Variants in KIAA1217 observed in about 807,000 individuals in gnomAD.
The protein encoded by KIAA1217 is sickle tail protein homolog.
A neutral mutation model predicts 163.9 loss-of-function variants in KIAA1217; 88 were observed. That is an observed-to-expected ratio of 0.54 (90% CI 0.45 to 0.64). KIAA1217 has a LOEUF of 0.64. Ranked by LOEUF, KIAA1217 falls within the 30% of genes least tolerant of loss-of-function variation. KIAA1217 has a pLI of 0.00. For missense variants in KIAA1217, 2,372 were observed against 2,475.0 expected, an observed-to-expected ratio of 0.96 and a Z score of 0.88; for synonymous variants, 903 against 923.1, an observed-to-expected ratio of 0.98 and a Z score of 0.39.
intron 2 of KIAA1217, among the ~76,000 whole-genome samples, chr10:24,035,918 AG>A (rs1156596665): frequency 6.6e-6 from 1 of 152,210 alleles, no homozygotes; most frequent in Non-Finnish European, 1.5e-5. Flanking sequence ...AGATCCTCAG[AG>A]CCAGCCCCCA....
chr10:24,144,103 A>T (rs1241137426), intron 2 of KIAA1217, among the ~76,000 whole-genome samples: 4 of 152,248 alleles, frequency 2.6e-5, no homozygotes, highest in African/African-American at 9.6e-5. Flanking sequence ...AAATAGGATA[A>T]ATAGAATTAA....
chr10:23,744,888 A>C (rs1483904520), intron 1 of KIAA1217, among the ~76,000 whole-genome samples: 1 of 152,154 alleles, frequency 6.6e-6, no homozygotes, highest in Non-Finnish European at 1.5e-5. Context: ...TTCTTGCTTG[A>C]GGGAGGTCAG....
intron 1 of KIAA1217, among the ~76,000 whole-genome samples, chr10:23,720,337 A>C (rs982031213): frequency 6.6e-6 from 1 of 152,182 alleles, no homozygotes; most frequent in Non-Finnish European, 1.5e-5. Context: ...TCACTTGATA[A>C]AATAAAATTC....
rs76158380 is a variant in KIAA1217 at position 24,454,800 on chromosome 10, G to A, written c.846+16321G>A. Among the ~76,000 whole-genome samples the A allele has an allele frequency of 4.5e-3, 682 of 151,812 alleles. 4 individuals carry two copies. Among genetic ancestry groups the A allele is most frequent in the African/African-American group, 0.016 (655 of 41,372 alleles). On this transcript the variant is annotated intron_variant, in intron 5 of 20. Transcript: ENST00000376454. ...GATGGAAATCCACAAAGTGGAAACC[G>A]TTTTTGCTTGCCTTTAAAAGCAAAT...
At chr10:24,136,661 A>C (rs948179051) in intron 2 of KIAA1217, among the ~76,000 whole-genome samples, 3 of 152,166 alleles carry the variant, frequency 2.0e-5, no homozygotes, top group African/African-American at 7.2e-5. Flanking sequence ...GTGAGTTTAT[A>C]GTCATGCAAA....
chr10:23,849,738 C>G (rs978850728), intron 1 of KIAA1217, among the ~76,000 whole-genome samples: 2 of 152,018 alleles, frequency 1.3e-5, no homozygotes, highest in Admixed American at 1.3e-4. Context: ...ATTTCCTGAA[C>G]CTTTCATCTC....
rs554794409 is a variant in KIAA1217, at chr10:24,254,623, G to A, written c.354+34714G>A. ...TTTTAAGGCAGATATGGCCACAAATGAAGCACATTCACATGACTGCACTGC... is the reference window on the plus strand; with the variant it reads ...TTTTAAGGCAGATATGGCCACAAATAAAGCACATTCACATGACTGCACTGC... On this transcript the variant is annotated intron_variant, in intron 2 of 20. Coordinates refer to ENST00000376454, the MANE Select transcript of KIAA1217 (RefSeq NM_019590.5). 4.5e-4 allele frequency among the ~76,000 whole-genome samples: 69 copies of A among 152,284 alleles called. 1 individual carries two copies. The highest frequency in any genetic ancestry group is 6.8e-3 in the Middle Eastern group (2 of 294).
At chr10:23,924,849 A>G (rs1378104221) in intron 1 of KIAA1217, among the ~76,000 whole-genome samples, 1 of 152,018 alleles carries the variant, frequency 6.6e-6, no homozygotes. Flanking sequence ...TGCAAATGCT[A>G]TTAAACTAGG....
At chr10:24,434,138 G>A (rs1169633202) in intron 4 of KIAA1217, among the ~76,000 whole-genome samples, 1 of 145,476 alleles carries the variant, frequency 6.9e-6, no homozygotes, top group Admixed American at 7.1e-5. Context: ...CTGGGTTCAA[G>A]CGATTCTCCT....
intron 2 of KIAA1217, among the ~76,000 whole-genome samples, chr10:24,152,613 C>T (rs2064671500): frequency 6.6e-6 from 1 of 152,004 alleles, no homozygotes; most frequent in Admixed American, 6.6e-5. Context: ...CTAAATCTCC[C>T]TCTATATCCA....
At chr10:24,452,156 C>T (rs751300583) in intron 5 of KIAA1217, among the ~76,000 whole-genome samples, 2 of 152,150 alleles carry the variant, frequency 1.3e-5, no homozygotes, top group Non-Finnish European at 2.9e-5. Flanking sequence ...ACATTTTCTT[C>T]TGTCCTAGTT....
At chr10:24,113,027 C>A (rs975006933) in intron 2 of KIAA1217, among the ~76,000 whole-genome samples, 1 of 152,122 alleles carries the variant, frequency 6.6e-6, no homozygotes, top group Admixed American at 6.5e-5. Flanking sequence ...AGAACAGATT[C>A]TCTCTCCAGC....
chr10:23,955,937 C>T (rs1327214061), intron 1 of KIAA1217, among the ~76,000 whole-genome samples: 5 of 152,216 alleles, frequency 3.3e-5, no homozygotes, highest in African/African-American at 2.4e-5. Flanking sequence ...TCTTTAGATT[C>T]GAGATGGTAT....
chr10:24,528,441 C>G (rs2072571901), intron 14 of KIAA1217, among the ~76,000 whole-genome samples: 1 of 151,916 alleles, frequency 6.6e-6, no homozygotes, highest in Non-Finnish European at 1.5e-5. Flanking sequence ...CCCACCTCAG[C>G]CTCCCAAGAA....
rs760788989 is a variant in KIAA1217 at position 24,543,459 on chromosome 10, A to C, written c.4189A>C (p.Ser1397Arg). ...CGAAACCACTGTCCAGGTTCTTTCC[A>C]GTGGGGAGGTGCATGATATTGTTAG... is the stretch of plus-strand genomic sequence containing the variant. Reference protein sequence around the residue: ...ITETTVQVLSSGEVHDIVSQK... With the variant: ...ITETTVQVLSRGEVHDIVSQK... The change falls in exon 19 of 21, where the codon AGT (serine) becomes CGT (arginine). Residue 1397 changes from serine to arginine, a missense_variant. Around this residue, in one of 3 missense-constraint regions of KIAA1217, gnomAD observed 690 missense variants for 677.5 expected, o/e 1.02. Transcript: ENST00000376454. 1 of 1,614,144 alleles carries C rather than the reference A, an allele frequency of 6.2e-7. No individual in the cohort carries two copies. The highest frequency in any genetic ancestry group is 1.1e-5 in the South Asian group (1 of 91,074).
intron 1 of KIAA1217, among the ~76,000 whole-genome samples, chr10:23,861,790 T>C (rs1187729428): frequency 6.6e-6 from 1 of 152,120 alleles, no homozygotes; most frequent in East Asian, 1.9e-4. Flanking sequence ...TTTCAGCAGA[T>C]ATGAACCTGG....
intron 2 of KIAA1217, among the ~76,000 whole-genome samples, chr10:24,073,380 A>T (rs186510538): frequency 1.3e-5 from 2 of 152,270 alleles, no homozygotes; most frequent in Admixed American, 1.3e-4. Flanking sequence ...GAAATAGTCA[A>T]GGGCATATTG....
intron 1 of KIAA1217, among the ~76,000 whole-genome samples, chr10:24,218,570 G>T (rs1050762968): frequency 1.1e-4 from 16 of 151,248 alleles, no homozygotes; most frequent in African/African-American, 1.9e-4. Context: ...CTCACTGCAA[G>T]CTCCGCCTCC....
chr10:24,191,239 T>C (rs1389592005), intron 2 of KIAA1217, among the ~76,000 whole-genome samples: 1 of 152,174 alleles, frequency 6.6e-6, no homozygotes, highest in African/African-American at 2.4e-5. Flanking sequence ...TTTTTCATAA[T>C]GTAGTTTTAC....
Sources: gnomAD v4.1 joint callset for allele counts (sites outside exome capture counted in the v4.1 genomes callset) on GRCh38, gnomAD v4.1.1 for gene constraint, gnomAD v4.1.1 regional missense constraint, MANE v1.5 for transcripts, NCBI Gene and HGNC (gene_info 2026-07-23, HGNC 2026-07-21) for gene names.